The following GUCY1A2 variants were observed in gnomAD, a reference collection of about 807,000 sequenced individuals.
The protein encoded by GUCY1A2 is guanylate cyclase soluble subunit alpha-2.
A neutral mutation model predicts 63.5 loss-of-function variants in GUCY1A2; 27 were observed. That is an observed-to-expected ratio of 0.43 (90% CI 0.31 to 0.59). The LOEUF (loss-of-function observed/expected upper bound fraction) is 0.59. Ranked by LOEUF, GUCY1A2 falls within the 20% of genes least tolerant of loss-of-function variation. The pLI, the probability that GUCY1A2 is intolerant of heterozygous loss-of-function variation, is 0.11. For synonymous variants in GUCY1A2, 364 were observed against 343.5 expected (o/e 1.06, Z -0.66); for missense variants, 768 against 913.3 (o/e 0.84, Z 2.05).
At chr11:106,789,358 T>C (rs1864619299) in intron 5 of GUCY1A2, among the ~76,000 whole-genome samples, 1 of 152,224 alleles carries the variant, frequency 6.6e-6, no homozygotes, top group Non-Finnish European at 1.5e-5. Context: ...ATTTCTTTGT[T>C]AAATGTACCT....
chr11:106,714,085 T>C (rs1376676597), intron 6 of GUCY1A2, among the ~76,000 whole-genome samples: 4 of 152,026 alleles, frequency 2.6e-5, no homozygotes, highest in African/African-American at 9.7e-5. Context: ...TCTAGTTCTA[T>C]TTCTGCCTCC....
chr11:106,834,873 T>C (rs1008363826), intron 4 of GUCY1A2, among the ~76,000 whole-genome samples: 6 of 152,012 alleles, frequency 3.9e-5, no homozygotes, highest in Non-Finnish European at 8.8e-5. Context: ...TCTTGGATTA[T>C]ACCTGAAACC....
At position 106,986,095 on chromosome 11, in the gene GUCY1A2, G is replaced by T; in HGVS notation, c.340C>A (p.Gln114Lys). The T allele has an allele frequency of 6.7e-7, 1 of 1,501,398 alleles. No homozygotes were observed. The highest frequency in any genetic ancestry group is 1.4e-5 in the African/African-American group (1 of 72,824). 93.0% of individuals were successfully genotyped at this position (1,501,398 alleles called of 1,614,324 possible). A position where few individuals can be genotyped will look rare whatever the true frequency, so the allele number is the denominator to read the frequency against. Reference protein sequence around the residue: ...TIQQTLKRTLQYYEHQVIGYR... With the variant: ...TIQQTLKRTLKYYEHQVIGYR... ...CCAATAACTTGATGTTCATAATACT[G>T]CAGTGTCCTCTTGAGAGTCTGCTGT... is the stretch of plus-strand genomic sequence containing the variant. Residue 114 changes from glutamine to lysine, a missense_variant, in exon 2 of 8, where the codon CAG (glutamine) becomes AAG (lysine). This residue lies in a region of GUCY1A2 where 496 missense variants were observed against 486.9 expected (regional missense o/e 1.02). Transcript: ENST00000526355.
At chr11:106,927,344 GC>G (rs1453003133) in intron 4 of GUCY1A2, among the ~76,000 whole-genome samples, 1 of 151,432 alleles carries the variant, frequency 6.6e-6, no homozygotes, top group Non-Finnish European at 1.5e-5. Flanking sequence ...CTGCACTCCA[GC>G]CTGGGCAACA....
At chr11:106,955,374 G>C (rs775237080) in intron 3 of GUCY1A2, among the ~76,000 whole-genome samples, 3 of 152,208 alleles carry the variant, frequency 2.0e-5, no homozygotes, top group African/African-American at 4.8e-5. Flanking sequence ...TTGCATAATA[G>C]TTGATGCAGT....
intron 4 of GUCY1A2, among the ~76,000 whole-genome samples, chr11:106,877,685 T>G (rs1214811441): frequency 1.3e-5 from 2 of 151,960 alleles, no homozygotes; most frequent in Non-Finnish European, 2.9e-5. Flanking sequence ...GGAAGATAAT[T>G]GAGGTAATAC....
intron 4 of GUCY1A2, among the ~76,000 whole-genome samples, chr11:106,853,124 T>C (rs879792514): frequency 6.6e-6 from 1 of 152,206 alleles, no homozygotes; most frequent in Non-Finnish European, 1.5e-5. Flanking sequence ...AAAGATCTTT[T>C]TAGATGAAAT....
chr11:106,934,755 C>T (rs757969657), intron 4 of GUCY1A2, among the ~76,000 whole-genome samples: 1 of 152,118 alleles, frequency 6.6e-6, no homozygotes, highest in Non-Finnish European at 1.5e-5. Context: ...AATAACAATG[C>T]TATTGCTCTG....
At chr11:106,722,153 A>G (rs930769512) in intron 6 of GUCY1A2, among the ~76,000 whole-genome samples, 12 of 152,174 alleles carry the variant, frequency 7.9e-5, no homozygotes, top group African/African-American at 2.4e-4. Flanking sequence ...TACTTGCAGC[A>G]TGATATTTTT....
At chr11:106,769,566 C>T (rs937207726) in intron 6 of GUCY1A2, among the ~76,000 whole-genome samples, 4 of 152,076 alleles carry the variant, frequency 2.6e-5, no homozygotes, top group Non-Finnish European at 5.9e-5. Context: ...AAAACAAACA[C>T]ATTTATAGTT....
At chr11:106,849,922 T>C (rs985809132) in intron 4 of GUCY1A2, among the ~76,000 whole-genome samples, 2 of 151,770 alleles carry the variant, frequency 1.3e-5, no homozygotes, top group Non-Finnish European at 3.0e-5. Context: ...CCATTCAAAG[T>C]ATACAATTCA....
rs1231951847 is a variant in GUCY1A2 at position 106,954,981 on chromosome 11, T to TTTTTTC, written c.488-14809_488-14804dup. Among the ~76,000 whole-genome samples, 74 of 140,516 alleles carry TTTTTTC rather than the reference T, an allele frequency of 5.3e-4. 1 individual carries two copies. Among genetic ancestry groups the TTTTTTC allele is most frequent in the African/African-American group, 1.8e-3 (63 of 35,922 alleles). The allele number at this position is 140,516 out of a possible 152,430, so 92.2% of individuals were successfully genotyped here. On this transcript the variant is annotated intron_variant, in intron 3 of 7. Transcript: ENST00000526355. ...TTCAATTTGCCAGTCTGTGTCTTTTTTTTTTCTTTTTTTTGAGACAGAGTT... is the reference window on the plus strand; with the variant it reads ...TTCAATTTGCCAGTCTGTGTCTTTTTTTTTTCTTTTTCTTTTTTTTGAGACAGAGTT...
intron 4 of GUCY1A2, among the ~76,000 whole-genome samples, chr11:106,862,742 T>G (rs1859530853): frequency 6.6e-6 from 1 of 152,038 alleles, no homozygotes; most frequent in Admixed American, 6.6e-5. Context: ...GCAAATTGAA[T>G]TTAAGAAAAG....
intron 3 of GUCY1A2, among the ~76,000 whole-genome samples, chr11:106,957,733 C>A (rs2120050647): frequency 6.6e-6 from 1 of 151,620 alleles, no homozygotes; most frequent in South Asian, 2.1e-4. Flanking sequence ...CCATCTTGGC[C>A]CCGCCTCCAA....
At chr11:106,845,095 T>C (rs1358666735) in intron 4 of GUCY1A2, among the ~76,000 whole-genome samples, 1 of 151,716 alleles carries the variant, frequency 6.6e-6, no homozygotes, top group Non-Finnish European at 1.5e-5. Flanking sequence ...AGTTACCTGT[T>C]CTTCAAAAAT....
chr11:106,906,806 A>G (rs1375091751), intron 4 of GUCY1A2, among the ~76,000 whole-genome samples: 18 of 152,104 alleles, frequency 1.2e-4, no homozygotes, highest in African/African-American at 2.4e-5. Flanking sequence ...GAAGCTGGAA[A>G]CCAGCATTCT....
chr11:106,747,048 C>T (rs1225210226), intron 6 of GUCY1A2, among the ~76,000 whole-genome samples: 1 of 152,080 alleles, frequency 6.6e-6, no homozygotes, highest in Admixed American at 6.6e-5. Flanking sequence ...AGTACAGTGG[C>T]GCAATCTTGG....
intron 5 of GUCY1A2, among the ~76,000 whole-genome samples, chr11:106,785,241 G>A (rs950232856): frequency 6.6e-6 from 1 of 152,190 alleles, no homozygotes; most frequent in Admixed American, 6.5e-5. Context: ...TAAAGGAGAA[G>A]ATGCAAAGAG....
chr11:106,772,603 A>AAGACT (rs1864276992), intron 6 of GUCY1A2, among the ~76,000 whole-genome samples: 1 of 152,176 alleles, frequency 6.6e-6, no homozygotes, highest in African/African-American at 2.4e-5. Flanking sequence ...CTGATTTAAT[A>AAGACT]AGACTATCTG....
Sources: allele counts gnomAD v4.1 joint callset (sites outside exome capture counted in the v4.1 genomes callset), GRCh38; gene constraint gnomAD v4.1.1; regional missense constraint gnomAD v4.1.1; transcripts MANE v1.5; gene names NCBI Gene and HGNC (gene_info 2026-07-23, HGNC 2026-07-21).